The following COG1 variants were observed in gnomAD, a reference collection of about 807,000 sequenced individuals.
COG1 encodes the protein conserved oligomeric Golgi complex subunit 1.
COG1 carries 61 observed loss-of-function variants against 102.2 expected under a neutral mutation model. The observed-to-expected ratio is 0.60, with a 90% CI of 0.49 to 0.74. The LOEUF (loss-of-function observed/expected upper bound fraction) is 0.74, where lower values mean the gene tolerates loss of function less well. Ranked by LOEUF, COG1 falls within the 30% of genes least tolerant of loss-of-function variation. COG1 has a pLI of 0.00. For synonymous variants in COG1, 454 were observed against 493.6 expected (o/e 0.92, Z 1.06); for missense variants, 1,164 against 1,232.1 (o/e 0.94, Z 0.83).
At chr17:73,207,533 G>A (rs774987929) in intron 13 of COG1, 1 of 603,232 alleles carries the variant, frequency 1.7e-6, no homozygotes, top group African/African-American at 1.9e-5. Context: ...ATTTAGTAGG[G>A]TGAAAGAGTT....
chr17:73,203,539 C>T (rs1599328996), intron 8 of COG1, 93 bp from the exon 9 acceptor site: 1 of 1,479,162 alleles, frequency 6.8e-7, no homozygotes, highest in East Asian at 2.3e-5. Flanking sequence ...AAAGTCCTGG[C>T]ACATAGGCCT....
Position 73,207,406 on chromosome 17 carries a change from C to G in COG1, c.2805+150C>G. ...TTAATGGCGGCGCAATAGAGAAGTA[C>G]AAGGTTTTACTAGCTTGAGCTACTA... On this transcript the variant is annotated intron_variant, in intron 13 of 13. Transcript: ENST00000299886. 3.8e-6 allele frequency: 3 copies of G among 796,332 alleles called. No individual in the cohort carries two copies. In the Admixed American group the frequency reaches 6.0e-5, roughly 16 times the overall value. 49.3% of individuals were successfully genotyped at this position (796,332 alleles called of 1,614,324 possible). A position where few individuals can be genotyped will look rare whatever the true frequency, so the allele number is the denominator to read the frequency against.
intron 6 of COG1, 36 bp downstream of exon 6, chr17:73,200,812 G>A: frequency 1.3e-6 from 2 of 1,559,286 alleles, no homozygotes; most frequent in Non-Finnish European, 8.8e-7. Context: ...CCTGTTTTAT[G>A]GCCAATCCTA....
intron 13 of COG1, chr17:73,207,566 T>C (rs768017692): frequency 3.6e-4 from 253 of 698,318 alleles, no homozygotes; most frequent in Middle Eastern, 8.3e-4. Flanking sequence ...GGCACTATCA[T>C]TGTACTTGTT....
Position 73,197,486 on chromosome 17 carries a change from C to G in COG1, c.913+90C>G, listed in dbSNP as rs1358768391. The G allele has an allele frequency of 2.1e-6, 3 of 1,424,896 alleles. No individual in the cohort carries two copies. In the African/African-American group the frequency reaches 4.2e-5, roughly 20 times the overall value. 88.3% of individuals were successfully genotyped at this position (1,424,896 alleles called of 1,614,324 possible). A position where few individuals can be genotyped will look rare whatever the true frequency, so the allele number is the denominator to read the frequency against. ...CGTGTGCCAGCCACCATGCTAGGCT[C>G]TGGGGATGGAGCAGTGAACTGGACA... is the stretch of plus-strand genomic sequence containing the variant. On this transcript the variant is annotated intron_variant, in intron 4 of 13. Transcript: ENST00000299886.
chr17:73,200,921 G>C, intron 6 of COG1, 145 bp downstream of exon 6: 1 of 937,472 alleles, frequency 1.1e-6, no homozygotes, highest in Non-Finnish European at 1.7e-6. Context: ...AAATACACCA[G>C]GCCTCTGTCA....
chr17:73,200,660 TTAC>T lies in COG1; in HGVS notation c.1167_1169del (p.Leu389_Leu390delinsPhe). 1 of 1,614,044 alleles carries T rather than the reference TTAC, an allele frequency of 6.2e-7. No homozygotes were observed. Among genetic ancestry groups the T allele is most frequent in the South Asian group, 1.1e-5 (1 of 91,074 alleles). Reference sequence around the variant, plus strand: ...GGGAATCCGGGACGCCATGTGGGAGTTACTTACCAATGAGTCCACCAATCACAG... The same window carrying T: ...GGGAATCCGGGACGCCATGTGGGAGTTTACCAATGAGTCCACCAATCACAG... On this transcript the variant is annotated inframe_deletion, in exon 6 of 14. Coordinates refer to ENST00000299886, the MANE Select transcript of COG1 (RefSeq NM_018714.3).
Position 73,205,586 on chromosome 17 carries a change from G to A in COG1, c.2416G>A (p.Ala806Thr). 6.2e-7 allele frequency: 1 copy of A among 1,614,182 alleles called. No individual in the cohort carries two copies. Among genetic ancestry groups the A allele is most frequent in the Non-Finnish European group, 8.5e-7 (1 of 1,180,034 alleles). Residue 806 changes from alanine to threonine, a missense_variant, in exon 10 of 14, where the codon GCG becomes ACG. Transcript: ENST00000299886. ...EGAFPVTQNR[A>T]LQLLYDLRYL... ...TGCATTTCCAGTCACCCAGAACCGG[G>A]CGCTGCAGCTGCTTTATGATCTGCG...
At chr17:73,206,658 CTTTCT>C in intron 11 of COG1, 45 bp from the exon 12 acceptor site, 1 of 1,088,534 alleles carries the variant, frequency 9.2e-7, no homozygotes, top group South Asian at 1.4e-5. Context: ...TTTTTTTTGC[CTTTCT>C]TTTACCTGCA....
rs1472914228 is a variant in COG1, at chr17:73,201,359, G to A, written c.1532G>A (p.Ser511Asn). 1.9e-6 allele frequency: 3 copies of A among 1,614,220 alleles called. No homozygotes were observed. Among genetic ancestry groups the A allele is most frequent in the Admixed American group, 1.7e-5 (1 of 60,024 alleles). The change falls in exon 7 of 14, where the codon AGC becomes AAC. Residue 511 changes from serine (S) to asparagine (N), a missense_variant. Transcript: ENST00000299886. ...SGLSMKAQAI[S>N]PCVQNFCSAL... Reference sequence around the variant, plus strand: ...CTCTCCATGAAAGCACAAGCCATCAGCCCTTGTGTACAGAACTTCTGTTCT... The same window carrying A: ...CTCTCCATGAAAGCACAAGCCATCAACCCTTGTGTACAGAACTTCTGTTCT...
intron 8 of COG1, chr17:73,203,388 C>T (rs138127337): frequency 9.1e-5 from 64 of 703,492 alleles, no homozygotes; most frequent in African/African-American, 9.1e-4. Flanking sequence ...ACTTACTTGC[C>T]GTGAAATCAG....
chr17:73,206,839 C>T (rs35069665), intron 12 of COG1, 22 bp downstream of exon 12: 1 of 1,563,226 alleles, frequency 6.4e-7, no homozygotes, highest in Non-Finnish European at 8.8e-7. Flanking sequence ...CAAGAGGCTT[C>T]TGCGGGGCAC....
rs1232112840 is a variant in COG1 at position 73,197,422 on chromosome 17, A to T, written c.913+26A>T. The T allele has an allele frequency of 2.5e-6, 4 of 1,612,072 alleles. No individual in the cohort carries two copies. The African/African-American group carries it at 5.3e-5, about 22-fold the overall frequency. Reference sequence around the variant, plus strand: ...GTGAGCTCTTAGCCAAGCTTTTTAAATTCTGGTTCACTCAACTGATAATTT... The same window carrying T: ...GTGAGCTCTTAGCCAAGCTTTTTAATTTCTGGTTCACTCAACTGATAATTT... On this transcript the variant is annotated intron_variant, in intron 4 of 13. Coordinates refer to ENST00000299886, the MANE Select transcript of COG1 (RefSeq NM_018714.3).
Position 73,205,789 on chromosome 17 carries a change from T to C in COG1, c.2510+109T>C, listed in dbSNP as rs940002382. The C allele has an allele frequency of 4.9e-6, 7 of 1,424,206 alleles. No homozygotes were observed. In the African/African-American group the frequency reaches 7.0e-5, roughly 14 times the overall value. 88.2% of individuals were successfully genotyped at this position (1,424,206 alleles called of 1,614,324 possible). A position where few individuals can be genotyped will look rare whatever the true frequency, so the allele number is the denominator to read the frequency against. The stretch of plus-strand genomic sequence containing the variant: ...CCTGTTATACTGCACATTCATTGTG[T>C]TTGTTTTGAACAGTAAGTGCTCATA... On this transcript the variant is annotated intron_variant, in intron 10 of 13. Transcript: ENST00000299886.
At chr17:73,194,350 G>A (rs1230935772) in intron 1 of COG1, among the ~76,000 whole-genome samples, 4 of 142,434 alleles carry the variant, frequency 2.8e-5, no homozygotes, top group Non-Finnish European at 1.5e-5. Flanking sequence ...GCTGAGGCAG[G>A]AGAATGGCAT....
In COG1 at chr17:73,193,292, G is replaced by GGGC. The variant is rs745468655; in HGVS notation, c.224_226dup (p.Gly75_Leu76insArg). ...CGGCCAGATGCGCCGCTGCGCCGTG[G>GGGC]GGCTAGTGGACGCCGTGAAGGCCAC... On this transcript the variant is annotated inframe_insertion, in exon 1 of 14. Coordinates refer to ENST00000299886, the MANE Select transcript of COG1 (RefSeq NM_018714.3). 1 of 1,598,180 alleles carries GGGC rather than the reference G, an allele frequency of 6.3e-7. No individual in the cohort carries two copies. Among genetic ancestry groups the GGGC allele is most frequent in the Admixed American group, 1.7e-5 (1 of 57,918 alleles).
At position 73,201,614 on chromosome 17, in the gene COG1, T is replaced by G; in HGVS notation, c.1787T>G (p.Val596Gly). 1 of 1,614,154 alleles carries G rather than the reference T, an allele frequency of 6.2e-7. No homozygotes were observed. The highest frequency in any genetic ancestry group is 8.5e-7 in the Non-Finnish European group (1 of 1,180,042). ...GAGCTACAGAGCATTGAAGAGGGTG[T>G]GCAAGGGCAACAGGATGCCCTCAAC... ...RAELQSIEEG[V>G]QGQQDALNSA... The change falls in exon 7 of 14, where the codon GTG (valine) becomes GGG (glycine). Residue 596 changes from valine to glycine, a missense_variant. Physicochemically the swap from Val to Gly is moderately radical, Grantham distance 109 (BLOSUM62 -3). Transcript: ENST00000299886.
chr17:73,200,667 C>A lies in COG1; in HGVS notation c.1172C>A (p.Thr391Asn), dbSNP rs1046141704. The A allele has an allele frequency of 6.2e-7, 1 of 1,614,152 alleles. No individual in the cohort carries two copies. Among genetic ancestry groups the A allele is most frequent in the Non-Finnish European group, 8.5e-7 (1 of 1,180,014 alleles). ...CGGGACGCCATGTGGGAGTTACTTA[C>A]CAATGAGTCCACCAATCACAGCTGG... Reference protein sequence around the residue: ...GIRDAMWELLTNESTNHSWDV... With the variant: ...GIRDAMWELLNNESTNHSWDV... Residue 391 changes from threonine to asparagine, a missense_variant, in exon 6 of 14, where the codon ACC becomes AAC. Transcript: ENST00000299886.
Position 73,200,491 on chromosome 17 carries a change from A to G in COG1, c.1071-75A>G, listed in dbSNP as rs560860608. On this transcript the variant is annotated intron_variant, in intron 5 of 13. Transcript: ENST00000299886. ...CTCAGATAAGAGATTGTCAAATGGGATTCTGATGTTTTTCTTAATAAAGAT... is the reference window on the plus strand; with the variant it reads ...CTCAGATAAGAGATTGTCAAATGGGGTTCTGATGTTTTTCTTAATAAAGAT... The G allele has an allele frequency of 1.2e-5, 14 of 1,206,478 alleles. No individual in the cohort carries two copies. In the South Asian group the frequency reaches 1.5e-4, roughly 13 times the overall value. The allele number at this position is 1,206,478 out of a possible 1,614,324, so 74.7% of individuals were successfully genotyped here. A position where few individuals can be genotyped will look rare whatever the true frequency, so the allele number is the denominator to read the frequency against.
Sources: gnomAD v4.1 joint callset for allele counts (sites outside exome capture counted in the v4.1 genomes callset) on GRCh38, gnomAD v4.1.1 for gene constraint, MANE v1.5 for transcripts, NCBI Gene and HGNC (gene_info 2026-07-23, HGNC 2026-07-21) for gene names.